Variants in KCTD3 observed in about 807,000 individuals in gnomAD.
KCTD3 encodes the protein BTB/POZ domain-containing protein KCTD3.
Under a neutral mutation model 85.8 loss-of-function variants are expected in KCTD3, and 41 were observed. The ratio of observed to expected loss-of-function variants is 0.48; its 90% CI spans 0.37 to 0.62. The LOEUF (loss-of-function observed/expected upper bound fraction) is 0.62, where lower values mean the gene tolerates loss of function less well. Ranked by LOEUF, KCTD3 falls within the 20% of genes least tolerant of loss-of-function variation. KCTD3 has a pLI of 0.00. For synonymous variants in KCTD3, 338 were observed against 345.4 expected, an observed-to-expected ratio of 0.98 and a Z score of 0.24; for missense variants, 724 against 989.9, an observed-to-expected ratio of 0.73 and a Z score of 3.60.
chr1:215,580,522 A>G (rs897325393), intron 8 of KCTD3, among the ~76,000 whole-genome samples: 1 of 152,148 alleles, frequency 6.6e-6, no homozygotes, highest in Non-Finnish European at 1.5e-5. Context: ...ACTAATGCTT[A>G]CATTCTCAGA....
chr1:215,611,759 C>T, intron 14 of KCTD3, 66 bp from the exon 15 acceptor site: 1 of 1,024,162 alleles, frequency 9.8e-7, no homozygotes, highest in Non-Finnish European at 1.5e-6. Context: ...TATTAATGTT[C>T]CTTTTGTAAA....
intron 1 of KCTD3, among the ~76,000 whole-genome samples, chr1:215,572,886 G>T (rs936120436): frequency 3.3e-5 from 5 of 152,178 alleles, no homozygotes; most frequent in East Asian, 3.9e-4. Context: ...GTAGAGGTTT[G>T]CTAGGCTGGG....
intron 15 of KCTD3, among the ~76,000 whole-genome samples, chr1:215,613,214 A>T (rs1345308603): frequency 6.6e-6 from 1 of 152,124 alleles, no homozygotes; most frequent in African/African-American, 2.4e-5. Flanking sequence ...TAGGAAGGTT[A>T]TTGTTTTCAT....
chr1:215,589,642 C>T (rs1277027795), intron 9 of KCTD3, among the ~76,000 whole-genome samples: 1 of 152,184 alleles, frequency 6.6e-6, no homozygotes, highest in Non-Finnish European at 1.5e-5. Context: ...GGCTTTTTGT[C>T]ACCATAGATT....
At chr1:215,583,585 C>G (rs1659903734) in intron 8 of KCTD3, among the ~76,000 whole-genome samples, 1 of 152,138 alleles carries the variant, frequency 6.6e-6, no homozygotes, top group East Asian at 1.9e-4. Flanking sequence ...TGCCTAACCT[C>G]CTGGGAATGC....
intron 15 of KCTD3, among the ~76,000 whole-genome samples, chr1:215,615,407 T>G (rs1370767177): frequency 6.6e-6 from 1 of 151,532 alleles, no homozygotes; most frequent in Non-Finnish European, 1.5e-5. Context: ...GATCACAAGG[T>G]CAGGAGATTG....
At chr1:215,579,688 T>C (rs907880688) in intron 7 of KCTD3, among the ~76,000 whole-genome samples, 3 of 151,954 alleles carry the variant, frequency 2.0e-5, no homozygotes, top group Non-Finnish European at 4.4e-5. Context: ...TTAATAGAGA[T>C]GAGGTTTCAC....
chr1:215,591,300 TTCC>T (rs1490263644), intron 9 of KCTD3, among the ~76,000 whole-genome samples: 5 of 127,854 alleles, frequency 3.9e-5, no homozygotes, highest in Non-Finnish European at 8.1e-5. Flanking sequence ...CCTTCCTTCC[TTCC>T]TTCCTTCCTT....
intron 9 of KCTD3, among the ~76,000 whole-genome samples, chr1:215,587,331 A>G (rs1001809980): frequency 1.3e-5 from 2 of 151,974 alleles, no homozygotes; most frequent in African/African-American, 4.8e-5. Context: ...GGGTTTCACC[A>G]TGTTAGCCAG....
chr1:215,605,339 A>G (rs144851808), intron 13 of KCTD3, among the ~76,000 whole-genome samples: 1 of 152,264 alleles, frequency 6.6e-6, no homozygotes, highest in Non-Finnish European at 1.5e-5. Context: ...TGTTTGTGGT[A>G]TAAGTATGCC....
chr1:215,588,668 A>C (rs1660108407), intron 9 of KCTD3, among the ~76,000 whole-genome samples: 2 of 152,168 alleles, frequency 1.3e-5, no homozygotes, highest in South Asian at 4.1e-4. Context: ...CTGTGTTTGT[A>C]GCTATGCATT....
chr1:215,581,117 A>C (rs1257530956), intron 8 of KCTD3: 1 of 316,754 alleles, frequency 3.2e-6, no homozygotes, highest in Non-Finnish European at 6.2e-6. Flanking sequence ...GTGGTGATGC[A>C]TGCCTGTAAT....
chr1:215,585,228 T>C (rs1213494115), intron 8 of KCTD3, among the ~76,000 whole-genome samples: 1 of 152,214 alleles, frequency 6.6e-6, no homozygotes, highest in African/African-American at 2.4e-5. Context: ...AGTATTTAAG[T>C]ATTTTCATTT....
In KCTD3 at chr1:215,578,049, G is replaced by C; in HGVS notation, c.365G>C (p.Ser122Thr). Residue 122 changes from serine (S) to threonine (T), a missense_variant, in exon 6 of 18, where the codon AGT (serine) becomes ACT (threonine). Coordinates refer to ENST00000259154, the MANE Select transcript of KCTD3 (RefSeq NM_016121.5). Reference sequence around the variant, plus strand: ...GAATTGGAGCGTTCCTCTTGTGGCAGTGTCCTTTTTCATGGTTACTTGCCC... The same window carrying C: ...GAATTGGAGCGTTCCTCTTGTGGCACTGTCCTTTTTCATGGTTACTTGCCC... ...CEELERSSCG[S>T]VLFHGYLPPP... 2 of 1,612,304 alleles carry C rather than the reference G, an allele frequency of 1.2e-6. No homozygotes were observed. Among genetic ancestry groups the C allele is most frequent in the Non-Finnish European group, 1.7e-6 (2 of 1,179,066 alleles).
chr1:215,581,936 A>G (rs1043399622), intron 8 of KCTD3, among the ~76,000 whole-genome samples: 1 of 152,244 alleles, frequency 6.6e-6, no homozygotes, highest in Non-Finnish European at 1.5e-5. Context: ...AAAGAGTAGT[A>G]CAGTGAAGAC....
At chr1:215,612,265 A>G (rs1253832099) in intron 15 of KCTD3, among the ~76,000 whole-genome samples, 1 of 152,216 alleles carries the variant, frequency 6.6e-6, no homozygotes, top group Non-Finnish European at 1.5e-5. Context: ...TTTCCATCCC[A>G]TATAAATCTG....
intron 15 of KCTD3, among the ~76,000 whole-genome samples, chr1:215,616,940 G>A (rs1655474783): frequency 6.6e-6 from 1 of 152,228 alleles, no homozygotes; most frequent in South Asian, 2.1e-4. Flanking sequence ...GGGAGTAGAA[G>A]GTTGGCACTT....
chr1:215,606,466 G>A (rs866485556), intron 13 of KCTD3, among the ~76,000 whole-genome samples: 2 of 152,012 alleles, frequency 1.3e-5, no homozygotes, highest in African/African-American at 2.4e-5. Flanking sequence ...ATTCTGACAC[G>A]TAAAAGATGC....
At chr1:215,568,419 C>T (rs1273688466) in intron 1 of KCTD3, among the ~76,000 whole-genome samples, 16 of 137,586 alleles carry the variant, frequency 1.2e-4, no homozygotes, top group South Asian at 9.9e-4. Context: ...GATATTGGCA[C>T]GGTGTGACGC....
Sources: allele counts gnomAD v4.1 joint callset (sites outside exome capture counted in the v4.1 genomes callset), GRCh38; gene constraint gnomAD v4.1.1; transcripts MANE v1.5; gene names NCBI Gene and HGNC (gene_info 2026-07-23, HGNC 2026-07-21).